Variants in PHACTR3 observed in about 807,000 individuals in gnomAD.
PHACTR3 encodes phosphatase and actin regulator 3.
A neutral mutation model predicts 66.8 loss-of-function variants in PHACTR3; 16 were observed. That is an observed-to-expected ratio of 0.24 (90% CI 0.16 to 0.36). The LOEUF is 0.36. Among genes scored for constraint, PHACTR3 ranks in the 10% least tolerant of loss-of-function variants. The probability of loss-of-function intolerance (pLI) is 1.00; values close to 1 mark genes in which losing one functional copy is unlikely to be tolerated. For missense variants in PHACTR3, 647 were observed against 719.9 expected, an observed-to-expected ratio of 0.90 and a Z score of 1.16; for synonymous variants, 323 against 292.1, an observed-to-expected ratio of 1.11 and a Z score of -1.08.
At chr20:59,831,829 C>T (rs1209508130) in intron 8 of PHACTR3, among the ~76,000 whole-genome samples, 1 of 152,234 alleles carries the variant, frequency 6.6e-6, no homozygotes, top group Non-Finnish European at 1.5e-5. Context: ...CTCCTCGACA[C>T]AGGCTGCTCC....
rs1187688522 is a variant in PHACTR3, at chr20:59,605,670, G to C, written c.118+538G>C. On this transcript the variant is annotated intron_variant, in intron 1 of 12. Transcript: ENST00000371015. ...GACAGGTGTGCTGGGCAGAGCCGCC[G>C]GCAGGGAGACGAAGGGCGTGCGCCA... Among the ~76,000 whole-genome samples, 17 of 152,360 alleles carry C rather than the reference G, an allele frequency of 1.1e-4. No individual in the cohort carries two copies. In the East Asian group the frequency reaches 2.9e-3, roughly 26 times the overall value.
intron 1 of PHACTR3, among the ~76,000 whole-genome samples, chr20:59,598,160 G>C (rs557455065): frequency 3.3e-5 from 5 of 152,348 alleles, no homozygotes; most frequent in African/African-American, 9.6e-5. Context: ...CCTGCCCCGG[G>C]TTGTGTTTCT....
At chr20:59,751,219 C>T (rs544053991) in intron 3 of PHACTR3, among the ~76,000 whole-genome samples, 3 of 152,224 alleles carry the variant, frequency 2.0e-5, no homozygotes, top group South Asian at 2.1e-4. Context: ...GTTAAGGAAC[C>T]GGCTTCAGCC....
intron 1 of PHACTR3, among the ~76,000 whole-genome samples, chr20:59,737,578 G>A (rs537469816): frequency 6.6e-6 from 1 of 152,090 alleles, no homozygotes; most frequent in Non-Finnish European, 1.5e-5. Flanking sequence ...GTGTGTGTGC[G>A]TGTGTGTGCA....
chr20:59,638,688 G>A (rs2146415861), intron 1 of PHACTR3, among the ~76,000 whole-genome samples: 1 of 145,022 alleles, frequency 6.9e-6, no homozygotes, highest in Non-Finnish European at 1.5e-5. Flanking sequence ...ATATACCAGT[G>A]GATAGGTGGG....
intron 1 of PHACTR3, among the ~76,000 whole-genome samples, chr20:59,647,842 C>T (rs1361458832): frequency 6.6e-6 from 1 of 152,216 alleles, no homozygotes; most frequent in Non-Finnish European, 1.5e-5. Context: ...CTTGGCCTTT[C>T]TTGGCTGGGT....
chr20:59,602,307 TGTAC>T (rs2033499880), upstream of PHACTR3, among the ~76,000 whole-genome samples: 1 of 152,054 alleles, frequency 6.6e-6, no homozygotes, highest in Admixed American at 6.5e-5. Flanking sequence ...AGGTGCACAC[TGTAC>T]TCCCAAGTAC....
At position 59,604,877 on chromosome 20, in the gene PHACTR3, C is replaced by CTTTTTTTTTT; in HGVS notation, c.-125_-116dup. 4.1e-6 allele frequency: 4 copies of CTTTTTTTTTT among 977,886 alleles called. No individual in the cohort carries two copies. The highest frequency in any genetic ancestry group is 2.1e-5 in the African/African-American group (1 of 46,826). The allele number at this position is 977,886 out of a possible 1,614,324, so 60.6% of individuals were successfully genotyped here. On this transcript the variant is annotated 5_prime_UTR_variant, in exon 1 of 13. Coordinates refer to ENST00000371015, the MANE Select transcript of PHACTR3 (RefSeq NM_080672.5). ...TCTCCAGCTCGTTTCCTTTCCCGGC[C>CTTTTTTTTTT]TTTTTTTTTTTTTTTTTTTTTTAAT...
At chr20:59,788,152 G>T (rs1454214852) in intron 7 of PHACTR3, among the ~76,000 whole-genome samples, 1 of 151,884 alleles carries the variant, frequency 6.6e-6, no homozygotes, top group Non-Finnish European at 1.5e-5. Context: ...TCATTCTTAT[G>T]CCTTTGCATT....
chr20:59,830,639 G>A lies in PHACTR3; in HGVS notation c.1329-5866G>A, dbSNP rs1568865225. ...TGAAGGTGGAAGAGACCTGGGCTCA[G>A]CACGCCAGGTGAATAATATCAGTGC... On this transcript the variant is annotated intron_variant, in intron 8 of 12. Transcript: ENST00000371015. This position sits in a 1 kb window ranked among gnomAD's most constrained non-coding sequence, Gnocchi z 5.8. Among the ~76,000 whole-genome samples the A allele has an allele frequency of 6.6e-6, 1 of 152,182 alleles. No homozygotes were observed. The highest frequency in any genetic ancestry group is 1.9e-4 in the East Asian group (1 of 5,196).
intron 1 of PHACTR3, among the ~76,000 whole-genome samples, chr20:59,660,928 T>C (rs866634766): frequency 6.6e-6 from 1 of 152,258 alleles, no homozygotes; most frequent in Non-Finnish European, 1.5e-5. Context: ...AAACACTTTC[T>C]ATTTGTCCTT....
At position 59,747,771 on chromosome 20, in the gene PHACTR3, G is replaced by C. The variant is rs763618263; in HGVS notation, c.294G>C (p.Lys98Asn). 2 of 1,613,918 alleles carry C rather than the reference G, an allele frequency of 1.2e-6. No homozygotes were observed. Among genetic ancestry groups the C allele is most frequent in the Non-Finnish European group, 1.7e-6 (2 of 1,179,974 alleles). ...TGTGTTGGGCAGCGCTGGAGAAGAAGATGGCCGGCAGGCAAGGCCGAGAGG... is the reference window on the plus strand; with the variant it reads ...TGTGTTGGGCAGCGCTGGAGAAGAACATGGCCGGCAGGCAAGGCCGAGAGG... ...LKQTTSALEK[K>N]MAGRQGREEL... The change falls in exon 3 of 13, where the codon AAG (lysine) becomes AAC (asparagine). Residue 98 changes from lysine (K) to asparagine (N), a missense_variant. Transcript: ENST00000371015.
chr20:59,653,138 A>T (rs1011778099), intron 1 of PHACTR3, among the ~76,000 whole-genome samples: 3 of 152,324 alleles, frequency 2.0e-5, no homozygotes, highest in South Asian at 4.1e-4. Flanking sequence ...AGATGGAAAT[A>T]ATTGAACCTA....
intron 1 of PHACTR3, among the ~76,000 whole-genome samples, chr20:59,586,171 T>C (rs1245965552): frequency 6.6e-6 from 1 of 152,236 alleles, no homozygotes; most frequent in East Asian, 1.9e-4. Flanking sequence ...TTCTGCCTCC[T>C]GGAGGCCGGC....
At chr20:59,669,105 G>A (rs2036103296) in intron 1 of PHACTR3, among the ~76,000 whole-genome samples, 1 of 152,024 alleles carries the variant, frequency 6.6e-6, no homozygotes, top group African/African-American at 2.4e-5. Context: ...TCTGCCATTT[G>A]CATGCTGTGT....
chr20:59,813,540 G>T (rs567421893), intron 8 of PHACTR3, among the ~76,000 whole-genome samples: 1 of 152,350 alleles, frequency 6.6e-6, no homozygotes, highest in South Asian at 2.1e-4. Context: ...GCGCTGGGGT[G>T]CAGAGATGAA....
rs539518313 is a variant in PHACTR3, at chr20:59,690,945, C to T, written c.119-52162C>T. On this transcript the variant is annotated intron_variant, in intron 1 of 12. Coordinates refer to ENST00000371015, the MANE Select transcript of PHACTR3 (RefSeq NM_080672.5). Reference sequence around the variant, plus strand: ...TCACAGGGTAACACAGTATTGAGGGCCATGACAACATCCCAATATACAGGA... The same window carrying T: ...TCACAGGGTAACACAGTATTGAGGGTCATGACAACATCCCAATATACAGGA... 4.8e-4 allele frequency among the ~76,000 whole-genome samples: 73 copies of T among 152,278 alleles called. 1 individual carries two copies. Among genetic ancestry groups the T allele is most frequent in the African/African-American group, 1.7e-3 (69 of 41,560 alleles).
chr20:59,675,835 A>G lies in PHACTR3; in HGVS notation c.119-67272A>G, dbSNP rs573545713. Among the ~76,000 whole-genome samples the G allele has an allele frequency of 2.2e-4, 33 of 152,088 alleles. No homozygotes were observed. In the South Asian group the frequency reaches 2.5e-3, roughly 11 times the overall value. On this transcript the variant is annotated intron_variant, in intron 1 of 12. Coordinates refer to ENST00000371015, the MANE Select transcript of PHACTR3 (RefSeq NM_080672.5). ...CCTGCACCAGGCCCCTCCCCAGCTG[A>G]CCCTATGTTCCTGCAACTAAGCCAG...
intron 1 of PHACTR3, among the ~76,000 whole-genome samples, chr20:59,728,384 A>G (rs1471785242): frequency 6.6e-6 from 1 of 152,140 alleles, no homozygotes; most frequent in African/African-American, 2.4e-5. Context: ...TGTATGAGCT[A>G]GCAGCTCCAC....
Sources: gnomAD v4.1 joint callset for allele counts (sites outside exome capture counted in the v4.1 genomes callset) on GRCh38, gnomAD v4.1.1 for gene constraint, Gnocchi (gnomAD v3.1) non-coding constraint, MANE v1.5 for transcripts, NCBI Gene and HGNC (gene_info 2026-07-23, HGNC 2026-07-21) for gene names.